The following ATP2A2 variants were observed in gnomAD, a reference collection of about 807,000 sequenced individuals.
ATP2A2 encodes the protein ATPase sarcoplasmic/endoplasmic reticulum Ca2+ transporting 2.
A neutral mutation model predicts 109.3 loss-of-function variants in ATP2A2; 14 were observed. The observed-to-expected ratio is 0.13, with a 90% CI of 0.08 to 0.20. The LOEUF is 0.20. Among genes scored for constraint, ATP2A2 ranks in the 10% least tolerant of loss-of-function variants. The pLI, the probability that ATP2A2 is intolerant of heterozygous loss-of-function variation, is 1.00. For missense variants in ATP2A2, 657 were observed against 1,321.6 expected, an observed-to-expected ratio of 0.50 and a Z score of 7.80; for synonymous variants, 506 against 490.9, an observed-to-expected ratio of 1.03 and a Z score of -0.41.
intron 5 of ATP2A2, among the ~76,000 whole-genome samples, chr12:110,305,598 G>A (rs573595135): frequency 5.9e-5 from 9 of 152,290 alleles, no homozygotes; most frequent in Admixed American, 4.6e-4. Context: ...TTACTCCATT[G>A]ATCTCTGTCT....
intron 5 of ATP2A2, among the ~76,000 whole-genome samples, chr12:110,298,128 T>G (rs555313639): frequency 6.6e-6 from 1 of 152,336 alleles, no homozygotes; most frequent in Admixed American, 6.5e-5. Context: ...AAGGGTGTGC[T>G]TTGTCTTTAT....
Position 110,281,841 on chromosome 12 carries a change from G to A in ATP2A2, c.52G>A (p.Val18Ile), listed in dbSNP as rs1419582784. The A allele has an allele frequency of 2.6e-6, 4 of 1,566,876 alleles. No homozygotes were observed. The highest frequency in any genetic ancestry group is 3.5e-6 in the Non-Finnish European group (4 of 1,158,406). ...GGAGGAGGTGCTGGGCCACTTCGGCGTCAACGAGAGTACGGGGCTGAGCCT... is the reference window on the plus strand; with the variant it reads ...GGAGGAGGTGCTGGGCCACTTCGGCATCAACGAGAGTACGGGGCTGAGCCT... ...TVEEVLGHFG[V>I]NESTGLSLEQ... Residue 18 changes from valine to isoleucine, a missense_variant, in exon 1 of 20, where the codon GTC becomes ATC. Coordinates refer to ENST00000539276, the MANE Select transcript of ATP2A2 (RefSeq NM_170665.4).
chr12:110,311,209 G>C (rs867802519), intron 5 of ATP2A2, among the ~76,000 whole-genome samples: 1 of 152,194 alleles, frequency 6.6e-6, no homozygotes, highest in Admixed American at 6.5e-5. Flanking sequence ...TAGAGCAGAG[G>C]AGTTGGCATA....
Position 110,347,827 on chromosome 12 carries a change from C to T in ATP2A2, c.*1357C>T. On this transcript the variant is annotated 3_prime_UTR_variant, in exon 20 of 20. Transcript: ENST00000539276. ...TCTTCCTGGGATTTGGATGCTTTAGCCTAAAGGTGACTGCCACCAAGTGAG... is the reference window on the plus strand; with the variant it reads ...TCTTCCTGGGATTTGGATGCTTTAGTCTAAAGGTGACTGCCACCAAGTGAG... 9.7e-7 allele frequency: 1 copy of T among 1,031,096 alleles called. No individual in the cohort carries two copies. The highest frequency in any genetic ancestry group is 1.2e-6 in the Non-Finnish European group (1 of 857,308). 63.9% of individuals were successfully genotyped at this position (1,031,096 alleles called of 1,614,324 possible). A position where few individuals can be genotyped will look rare whatever the true frequency, so the allele number is the denominator to read the frequency against.
At position 110,339,752 on chromosome 12, in the gene ATP2A2, C is replaced by G. The variant is rs773590751; in HGVS notation, c.1761+31C>G. On this transcript the variant is annotated intron_variant, in intron 13 of 19. Transcript: ENST00000539276. This position sits in a 1 kb window ranked among gnomAD's most constrained non-coding sequence, Gnocchi z 4.4. ...CTAATGAAAAGTTTCTTTGTCCACA[C>G]CCTGCACGATTCATTGTGTTTAAAC... The G allele has an allele frequency of 1.9e-6, 3 of 1,598,354 alleles. No individual in the cohort carries two copies. Among genetic ancestry groups the G allele is most frequent in the African/African-American group, 1.3e-5 (1 of 74,704 alleles).
chr12:110,335,302 A>G (rs559032474), intron 11 of ATP2A2, among the ~76,000 whole-genome samples: 22 of 152,300 alleles, frequency 1.4e-4, no homozygotes, highest in Admixed American at 1.4e-3. Context: ...ATGGCCATCC[A>G]TTGAGTCTCT....
chr12:110,302,288 C>T (rs1001049234), intron 5 of ATP2A2, among the ~76,000 whole-genome samples: 1 of 152,138 alleles, frequency 6.6e-6, no homozygotes, highest in Non-Finnish European at 1.5e-5. Flanking sequence ...CCCCTCTTCC[C>T]TGGCCCCTGG....
intron 16 of ATP2A2, among the ~76,000 whole-genome samples, 178 bp downstream of exon 16, chr12:110,343,612 C>T (rs1014262410): frequency 6.6e-6 from 1 of 152,234 alleles, no homozygotes; most frequent in Non-Finnish European, 1.5e-5. Context: ...AGTCCTTTCA[C>T]AGTTAGTTCC....
chr12:110,333,118 G>C, intron 9 of ATP2A2, 63 bp from the exon 10 acceptor site: 1 of 1,368,268 alleles, frequency 7.3e-7, no homozygotes, highest in Non-Finnish European at 1.0e-6. Flanking sequence ...GGGGGGGCAG[G>C]GGGCGGGAGG....
chr12:110,293,300 C>T (rs1210815350), intron 4 of ATP2A2, among the ~76,000 whole-genome samples: 2 of 151,354 alleles, frequency 1.3e-5, no homozygotes, highest in Non-Finnish European at 2.9e-5. Flanking sequence ...AAACCCCTGA[C>T]CTCGTGATCC....
intron 4 of ATP2A2, among the ~76,000 whole-genome samples, chr12:110,294,823 G>T (rs542285151): frequency 6.6e-6 from 1 of 151,964 alleles, no homozygotes; most frequent in South Asian, 2.1e-4. Context: ...CATCAAGGAG[G>T]GCTTTATTTT....
At chr12:110,338,715 A>C (rs762093283) in intron 11 of ATP2A2, among the ~76,000 whole-genome samples, 1 of 152,154 alleles carries the variant, frequency 6.6e-6, no homozygotes, top group Non-Finnish European at 1.5e-5. Flanking sequence ...CCTTCAGCCA[A>C]TTCTTGACAA....
intron 10 of ATP2A2, 27 bp downstream of exon 10, chr12:110,333,310 A>G (rs1465836157): frequency 6.4e-7 from 1 of 1,571,514 alleles, no homozygotes; most frequent in South Asian, 1.1e-5. Flanking sequence ...ATTAGAAGGA[A>G]TGGCTGTTCC....
intron 5 of ATP2A2, among the ~76,000 whole-genome samples, chr12:110,297,131 A>C (rs1463333346): frequency 6.6e-6 from 1 of 152,098 alleles, no homozygotes; most frequent in Admixed American, 6.6e-5. Flanking sequence ...GGTCAAGGGT[A>C]ATTTCTTGAC....
At position 110,346,980 on chromosome 12, in the gene ATP2A2, T is replaced by G; in HGVS notation, c.*510T>G. On this transcript the variant is annotated 3_prime_UTR_variant, in exon 20 of 20. Coordinates refer to ENST00000539276, the MANE Select transcript of ATP2A2 (RefSeq NM_170665.4). ...TCTTGCTACCTCAGTCAGTATTGTT[T>G]TGGTTTGCTACTTCCCTCACCCACT... 9.1e-6 allele frequency: 10 copies of G among 1,102,534 alleles called. No individual in the cohort carries two copies. Among genetic ancestry groups the G allele is most frequent in the Non-Finnish European group, 1.1e-5 (10 of 900,842 alleles). 68.3% of individuals were successfully genotyped at this position (1,102,534 alleles called of 1,614,324 possible).
chr12:110,326,165 AT>A, intron 6 of ATP2A2: 2 of 556,448 alleles, frequency 3.6e-6, no homozygotes, highest in Non-Finnish European at 6.5e-6. Flanking sequence ...TCACTTTTTT[AT>A]TTTGGAATTG....
At chr12:110,321,291 A>AT in intron 5 of ATP2A2, among the ~76,000 whole-genome samples, 1 of 152,202 alleles carries the variant, frequency 6.6e-6, no homozygotes, top group Non-Finnish European at 1.5e-5. Flanking sequence ...CTATTTTGCC[A>AT]TTTTGTATAT....
At chr12:110,326,291 A>G (rs987680100) in intron 6 of ATP2A2, 99 bp from the exon 7 acceptor site, 4 of 1,114,624 alleles carry the variant, frequency 3.6e-6, no homozygotes, top group Admixed American at 2.0e-5. Context: ...TCACACTAAC[A>G]GTATCCCAAG....
chr12:110,285,040 AG>A (rs1872528478), intron 3 of ATP2A2, among the ~76,000 whole-genome samples: 1 of 152,218 alleles, frequency 6.6e-6, no homozygotes, highest in Admixed American at 6.5e-5. Context: ...TAGAATATTC[AG>A]GTTTTTTTGG....
Sources: allele counts gnomAD v4.1 joint callset (sites outside exome capture counted in the v4.1 genomes callset), GRCh38; gene constraint gnomAD v4.1.1; non-coding constraint Gnocchi (gnomAD v3.1); transcripts MANE v1.5; gene names NCBI Gene and HGNC (gene_info 2026-07-23, HGNC 2026-07-21).